Variants in GNA12 observed in about 807,000 individuals in gnomAD.
GNA12 encodes G protein subunit alpha 12, also known as guanine nucleotide-binding protein subunit alpha-12.
GNA12 carries 9 observed loss-of-function variants against 26.0 expected under a neutral mutation model. That is an observed-to-expected ratio of 0.35 (90% CI 0.21 to 0.60). The LOEUF is 0.60. GNA12 is among the 20% of genes least tolerant of loss of function. The pLI is 0.78. For synonymous variants in GNA12, 264 were observed against 219.6 expected (o/e 1.20, Z -1.79); for missense variants, 405 against 525.8 (o/e 0.77, Z 2.25).
chr7:2,737,018 G>A (rs1790216390), intron 2 of GNA12, among the ~76,000 whole-genome samples: 1 of 152,182 alleles, frequency 6.6e-6, no homozygotes, highest in Non-Finnish European at 1.5e-5. Flanking sequence ...CCACATGCTT[G>A]GTTCAGTTCC....
intron 1 of GNA12, chr7:2,814,978 C>G (rs776241630): frequency 6.4e-7 from 1 of 1,553,560 alleles, no homozygotes; most frequent in Non-Finnish European, 8.7e-7. Context: ...GCATGGCTGA[C>G]AAGGACGTCA....
intron 2 of GNA12, among the ~76,000 whole-genome samples, chr7:2,735,593 A>C (rs1790130039): frequency 6.6e-6 from 1 of 152,166 alleles, no homozygotes; most frequent in South Asian, 2.1e-4. Context: ...TCGAGTCTGC[A>C]ATCAGTCCCC....
chr7:2,797,375 C>T (rs1792703461), intron 1 of GNA12, among the ~76,000 whole-genome samples: 1 of 152,136 alleles, frequency 6.6e-6, no homozygotes, highest in South Asian at 2.1e-4. Flanking sequence ...AACTCCTGAG[C>T]TCAACTGATC....
At chr7:2,814,010 C>T (rs537666770) in intron 1 of GNA12, among the ~76,000 whole-genome samples, 17 of 152,256 alleles carry the variant, frequency 1.1e-4, no homozygotes, top group Middle Eastern at 3.4e-3. Flanking sequence ...TTTCCTGCCT[C>T]GCCGCCGGAG....
At chr7:2,737,274 G>GT (rs1041056812) in intron 2 of GNA12, among the ~76,000 whole-genome samples, 1,405 of 34,920 alleles carry the variant, frequency 0.04, 112 homozygotes, top group East Asian at 0.082. Flanking sequence ...GTTTTGTTTT[G>GT]TTTTTTTTTT....
intron 2 of GNA12, among the ~76,000 whole-genome samples, chr7:2,772,006 G>A (rs1791960153): frequency 1.3e-5 from 2 of 152,284 alleles, no homozygotes; most frequent in African/African-American, 2.4e-5. Context: ...GTGTTCAACT[G>A]CATGTGTGTC....
intron 1 of GNA12, among the ~76,000 whole-genome samples, chr7:2,798,723 C>G (rs980144897): frequency 2.0e-5 from 3 of 152,156 alleles, no homozygotes; most frequent in Non-Finnish European, 4.4e-5. Context: ...AAAGTGGGAA[C>G]AATCAGTCTA....
intron 1 of GNA12, among the ~76,000 whole-genome samples, chr7:2,805,555 T>G (rs575941702): frequency 1.3e-5 from 2 of 152,160 alleles, no homozygotes; most frequent in South Asian, 2.1e-4. Flanking sequence ...TCTGGAGAGA[T>G]AAGGGAGCAG....
At chr7:2,786,575 A>G (rs761592618) in intron 2 of GNA12, among the ~76,000 whole-genome samples, 4 of 152,240 alleles carry the variant, frequency 2.6e-5, no homozygotes, top group Non-Finnish European at 4.4e-5. Flanking sequence ...CTGTCTATCT[A>G]TGGAAGACTA....
intron 2 of GNA12, among the ~76,000 whole-genome samples, chr7:2,753,154 C>CTT (rs34424525): frequency 1.1e-4 from 16 of 147,260 alleles, no homozygotes; most frequent in African/African-American, 3.2e-4. Flanking sequence ...CAGCATGCGG[C>CTT]TTTTTTTTTT....
intron 2 of GNA12, among the ~76,000 whole-genome samples, chr7:2,781,477 G>A (rs1216204111): frequency 2.7e-5 from 4 of 145,560 alleles, no homozygotes; most frequent in Non-Finnish European, 4.5e-5. Context: ...TTCTTTATGT[G>A]GTTTGACTAC....
intron 2 of GNA12, chr7:2,763,213 CA>C: frequency 2.3e-6 from 1 of 434,888 alleles, no homozygotes; most frequent in Non-Finnish European, 3.3e-6. Context: ...CACACACACA[CA>C]CACACACACA....
intron 2 of GNA12, among the ~76,000 whole-genome samples, chr7:2,773,066 A>T (rs1285291442): frequency 6.6e-6 from 1 of 152,212 alleles, no homozygotes; most frequent in African/African-American, 2.4e-5. Flanking sequence ...GCAAAACACT[A>T]ATCTACAGTG....
At position 2,731,598 on chromosome 7, in the gene GNA12, G is replaced by A. The variant is rs750586131; in HGVS notation, c.729C>T (p.Asp243=). ...SQRQKWFQCF[D]GITSILFMVS... Reference sequence around the variant, plus strand: ...CCATGAACAGGATGGACGTGATCCCGTCGAAGCACTGGAACCACTTCTGGC... The same window carrying A: ...CCATGAACAGGATGGACGTGATCCCATCGAAGCACTGGAACCACTTCTGGC... Residue 243 remains aspartate (D), a synonymous_variant, in exon 4 of 4, where the codon GAC becomes GAT. Coordinates refer to ENST00000275364, the MANE Select transcript of GNA12 (RefSeq NM_007353.3). The surrounding 1 kb of genome is among the most constrained non-coding windows in gnomAD (Gnocchi z 6.0). The A allele has an allele frequency of 3.2e-5, 51 of 1,613,758 alleles. No homozygotes were observed. The highest frequency in any genetic ancestry group is 6.7e-5 in the African/African-American group (5 of 74,918).
At chr7:2,843,692 C>T (rs1583324091) in intron 1 of GNA12, among the ~76,000 whole-genome samples, 161 bp downstream of exon 1, 3 of 116,450 alleles carry the variant, frequency 2.6e-5, no homozygotes, top group Non-Finnish European at 5.1e-5. Context: ...CAGCAGGCCT[C>T]GGGGAATGGG....
intron 2 of GNA12, among the ~76,000 whole-genome samples, chr7:2,788,927 C>T (rs1431819182): frequency 1.3e-5 from 2 of 151,880 alleles, no homozygotes; most frequent in Admixed American, 1.3e-4. Flanking sequence ...TCAAGCGATT[C>T]TCCTGCCTCA....
At chr7:2,810,550 AT>A (rs35567574) in intron 1 of GNA12, among the ~76,000 whole-genome samples, 2 of 150,422 alleles carry the variant, frequency 1.3e-5, no homozygotes, top group Admixed American at 6.6e-5. Context: ...TTTGTCAATA[AT>A]TTTTTTTTTA....
intron 1 of GNA12, among the ~76,000 whole-genome samples, chr7:2,833,061 A>T (rs1377763541): frequency 1.3e-5 from 2 of 152,270 alleles, no homozygotes; most frequent in African/African-American, 4.8e-5. Context: ...TCACACGGTC[A>T]GCAACAAATA....
chr7:2,791,808 A>G (rs1166081513), intron 2 of GNA12, among the ~76,000 whole-genome samples: 2 of 152,216 alleles, frequency 1.3e-5, no homozygotes, highest in Non-Finnish European at 2.9e-5. Flanking sequence ...TATTTTGACA[A>G]CAACGACTAT....
Sources: gnomAD v4.1 joint callset for allele counts (sites outside exome capture counted in the v4.1 genomes callset) on GRCh38, gnomAD v4.1.1 for gene constraint, Gnocchi (gnomAD v3.1) non-coding constraint, MANE v1.5 for transcripts, NCBI Gene and HGNC (gene_info 2026-07-23, HGNC 2026-07-21) for gene names.